Variants in LRP1B observed in about 807,000 individuals in gnomAD.
LRP1B encodes low-density lipoprotein receptor-related protein 1B.
LRP1B carries 217 observed loss-of-function variants against 556.6 expected under a neutral mutation model. That is an observed-to-expected ratio of 0.39 (90% confidence interval 0.35 to 0.44). LRP1B has a LOEUF of 0.44. Among genes scored for constraint, LRP1B ranks in the 20% least tolerant of loss-of-function variants. LRP1B has a pLI of 1.00. For synonymous variants in LRP1B, 2,047 were observed against 1,865.8 expected, an observed-to-expected ratio of 1.10 and a Z score of -2.50; for missense variants, 5,053 against 5,620.8, an observed-to-expected ratio of 0.90 and a Z score of 3.23.
At chr2:140,756,776 T>G (rs917363101) in intron 35 of LRP1B, among the ~76,000 whole-genome samples, 2 of 152,124 alleles carry the variant, frequency 1.3e-5, no homozygotes, top group Non-Finnish European at 2.9e-5. Flanking sequence ...TTCTTAGATA[T>G]GATACAAAAA....
At chr2:140,638,559 A>G (rs1239716329) in intron 41 of LRP1B, among the ~76,000 whole-genome samples, 1 of 152,152 alleles carries the variant, frequency 6.6e-6, no homozygotes, top group African/African-American at 2.4e-5. Context: ...AAGATAGTCC[A>G]TGTCTGATTT....
intron 1 of LRP1B, among the ~76,000 whole-genome samples, chr2:141,973,005 A>G (rs1230447968): frequency 6.6e-6 from 1 of 151,650 alleles, no homozygotes; most frequent in Non-Finnish European, 1.5e-5. Flanking sequence ...TTTCATTATG[A>G]CAAAAATATC....
intron 3 of LRP1B, among the ~76,000 whole-genome samples, chr2:141,464,262 T>C (rs1221500050): frequency 3.3e-5 from 5 of 152,266 alleles, no homozygotes; most frequent in East Asian, 3.9e-4. Flanking sequence ...GGGAATTTGG[T>C]ACAATCTCTA....
At chr2:141,563,352 A>G (rs1191015446) in intron 2 of LRP1B, among the ~76,000 whole-genome samples, 1 of 152,078 alleles carries the variant, frequency 6.6e-6, no homozygotes, top group Non-Finnish European at 1.5e-5. Context: ...AAATAAATAA[A>G]TTGCCAAAGA....
chr2:142,000,915 T>C (rs1298750071), intron 1 of LRP1B, among the ~76,000 whole-genome samples: 1 of 152,132 alleles, frequency 6.6e-6, no homozygotes, highest in Non-Finnish European at 1.5e-5. Context: ...TCATGTTGAA[T>C]TGTAGCTCCC....
At chr2:142,049,140 T>A (rs1355127061) in intron 1 of LRP1B, among the ~76,000 whole-genome samples, 2 of 152,088 alleles carry the variant, frequency 1.3e-5, no homozygotes, top group East Asian at 3.9e-4. Context: ...GGCCCCTTTT[T>A]TTCTAACAAA....
At chr2:141,961,153 T>C (rs1238087404) in intron 1 of LRP1B, among the ~76,000 whole-genome samples, 1 of 151,722 alleles carries the variant, frequency 6.6e-6, no homozygotes, top group Non-Finnish European at 1.5e-5. Context: ...AGAGGTAATT[T>C]GGCCAAATTA....
chr2:140,766,845 T>TATATA (rs1689132322), intron 35 of LRP1B, among the ~76,000 whole-genome samples: 1 of 42,070 alleles, frequency 2.4e-5, no homozygotes, highest in African/African-American at 1.3e-4. Context: ...ATATATATAT[T>TATATA]ATATATATAT....
chr2:140,372,497 G>T (rs1272007671), intron 69 of LRP1B, among the ~76,000 whole-genome samples: 12 of 152,028 alleles, frequency 7.9e-5, no homozygotes, highest in Non-Finnish European at 1.5e-5. Context: ...GAGTATATTT[G>T]TAGAGACACC....
chr2:140,394,124 ATTTTTTT>A (rs34965660), intron 66 of LRP1B, among the ~76,000 whole-genome samples: 3,908 of 122,500 alleles, frequency 0.032, 61 homozygotes, highest in Non-Finnish European at 0.041. Context: ...ACTGGCACAT[ATTTTTTT>A]TTTTTTTTTT....
chr2:140,743,835 C>T (rs1688220878), intron 35 of LRP1B, among the ~76,000 whole-genome samples: 1 of 151,408 alleles, frequency 6.6e-6, no homozygotes, highest in African/African-American at 2.4e-5. Flanking sequence ...TGGCGGGTGC[C>T]TGTAGTCACC....
chr2:141,837,225 T>C (rs964907387), intron 1 of LRP1B, among the ~76,000 whole-genome samples: 2 of 151,868 alleles, frequency 1.3e-5, no homozygotes, highest in African/African-American at 4.8e-5. Context: ...CACTAAGAAA[T>C]AGTAAGGAGA....
intron 25 of LRP1B, among the ~76,000 whole-genome samples, chr2:140,869,051 T>C (rs1332808401): frequency 6.6e-6 from 1 of 152,018 alleles, no homozygotes; most frequent in Non-Finnish European, 1.5e-5. Context: ...TCTCTCTTAA[T>C]TGGTTATTTC....
chr2:140,613,400 A>ATAATTATATACATATAAATATATAT lies in LRP1B; in HGVS notation c.6800-11762_6800-11761insATATATATTTATATGTATATAATTA, dbSNP rs1381358626. Among the ~76,000 whole-genome samples, 27 of 84,364 alleles carry ATAATTATATACATATAAATATATAT rather than the reference A, an allele frequency of 3.2e-4. 2 individuals carry two copies. Among genetic ancestry groups the ATAATTATATACATATAAATATATAT allele is most frequent in the African/African-American group, 8.8e-4 (24 of 27,308 alleles). The allele number at this position is 84,364 out of a possible 152,430, so 55.3% of individuals were successfully genotyped here. On this transcript the variant is annotated intron_variant, in intron 41 of 90. Transcript: ENST00000389484. ...ATATAATTATATACATATAAATATA[A>ATAATTATATACATATAAATATATAT]ATAATTATATACATATAAATATATA...
At chr2:140,624,565 A>C (rs1006210642) in intron 41 of LRP1B, among the ~76,000 whole-genome samples, 1 of 152,142 alleles carries the variant, frequency 6.6e-6, no homozygotes, top group Admixed American at 6.5e-5. Context: ...CACCTGCTAG[A>C]TATTCCCTAA....
At chr2:141,852,120 G>C (rs902543223) in intron 1 of LRP1B, among the ~76,000 whole-genome samples, 1 of 151,710 alleles carries the variant, frequency 6.6e-6, no homozygotes, top group Non-Finnish European at 1.5e-5. Context: ...AGAATAGGTA[G>C]TTGTGATTAA....
chr2:141,167,206 T>C (rs980737204), intron 7 of LRP1B: 5 of 151,872 alleles, frequency 3.3e-5, no homozygotes, highest in African/African-American at 1.2e-4. Context: ...TACACTTGTT[T>C]TATCATTTCA....
intron 3 of LRP1B, among the ~76,000 whole-genome samples, chr2:141,384,887 C>T (rs1052767019): frequency 2.0e-5 from 3 of 152,326 alleles, no homozygotes; most frequent in South Asian, 2.1e-4. Flanking sequence ...CTCATCCCTT[C>T]CTACCTCTCC....
intron 7 of LRP1B, among the ~76,000 whole-genome samples, chr2:141,159,348 T>C (rs1213170234): frequency 6.6e-6 from 1 of 151,844 alleles, no homozygotes; most frequent in African/African-American, 2.4e-5. Flanking sequence ...TAATTGATAC[T>C]AAAGCAATTT....
Sources: allele counts gnomAD v4.1 joint callset (sites outside exome capture counted in the v4.1 genomes callset), GRCh38; gene constraint gnomAD v4.1.1; transcripts MANE v1.5; gene names NCBI Gene and HGNC (gene_info 2026-07-23, HGNC 2026-07-21).